Variants in FRMPD3 observed in about 807,000 individuals in gnomAD.
The protein encoded by FRMPD3 is FERM and PDZ domain-containing protein 3.
FRMPD3 carries 42 observed loss-of-function variants against 97.9 expected under a neutral mutation model. The observed-to-expected ratio is 0.43, with a 90% CI of 0.34 to 0.55. The LOEUF (loss-of-function observed/expected upper bound fraction) is 0.55, where lower values mean the gene tolerates loss of function less well. FRMPD3 is among the 20% of genes least tolerant of loss of function. The pLI is 0.03. For missense variants in FRMPD3, 1,303 were observed against 1,457.7 expected (o/e 0.89, Z 1.73); for synonymous variants, 577 against 581.1 (o/e 0.99, Z 0.10).
At position 107,601,777 on chromosome X, in the gene FRMPD3, A is replaced by G. The variant is rs770548012; in HGVS notation, c.3738A>G (p.Glu1246=). ...AACTGCAGAAGGTAAAGCAGTATGA[A>G]CTGGAGTTCCTTGAGGAACTTCTAA... is the stretch of plus-strand genomic sequence containing the variant. The part of the protein sequence containing the change: ...QAQLQKVKQY[E]LEFLEELLKP... The change falls in exon 15 of 15, where the codon GAA becomes GAG. Residue 1246 remains glutamate, a synonymous_variant. Transcript: ENST00000683843. 1 of 1,210,777 alleles carries G rather than the reference A, an allele frequency of 8.3e-7. No individual in the cohort carries two copies. Among genetic ancestry groups the G allele is most frequent in the Admixed American group, 2.2e-5 (1 of 46,058 alleles).
At chrX:107,570,887 C>G (rs1237409941) in intron 12 of FRMPD3, among the ~76,000 whole-genome samples, 4 of 111,916 alleles carry the variant, frequency 3.6e-5, no homozygotes, top group Admixed American at 1.9e-4. Flanking sequence ...TGAAGCATGT[C>G]AAATTAATCC....
chrX:107,563,453 G>A (rs911038572), intron 11 of FRMPD3, among the ~76,000 whole-genome samples: 37 of 112,343 alleles, frequency 3.3e-4, no homozygotes, highest in Non-Finnish European at 6.0e-4. Flanking sequence ...TTTCCATAAA[G>A]GGCCAGATAG....
intron 8 of FRMPD3, chrX:107,554,764 T>G (rs185470729): frequency 3.1e-6 from 1 of 323,395 alleles, no homozygotes; most frequent in African/African-American, 2.6e-5. Context: ...TCCCAGTAAC[T>G]CTGGCATCCT....
At chrX:107,531,609 C>T (rs781027897) in intron 3 of FRMPD3, among the ~76,000 whole-genome samples, 2 of 111,586 alleles carry the variant, frequency 1.8e-5, no homozygotes, top group African/African-American at 6.5e-5. Flanking sequence ...AGCATGTCTT[C>T]CTTGGCATGC....
At chrX:107,558,900 G>C (rs1241672123) in intron 8 of FRMPD3, among the ~76,000 whole-genome samples, 2 of 110,561 alleles carry the variant, frequency 1.8e-5, no homozygotes, top group African/African-American at 6.6e-5. Flanking sequence ...GGCCAGGCTG[G>C]TCTCAAACTC....
intron 3 of FRMPD3, 100 bp from the exon 4 acceptor site, chrX:107,533,405 A>G: frequency 1.4e-6 from 1 of 722,698 alleles, no homozygotes; most frequent in East Asian, 3.2e-5. Context: ...TAATCCATAT[A>G]CCTGAATAAA....
At chrX:107,595,638 T>C (rs1430277817) in intron 13 of FRMPD3, among the ~76,000 whole-genome samples, 3 of 111,178 alleles carry the variant, frequency 2.7e-5, no homozygotes, top group Non-Finnish European at 5.7e-5. Flanking sequence ...TTTTATCCAT[T>C]ATTGAAAGTG....
rs41305439 is a variant in FRMPD3, at chrX:107,602,590, C to T, written c.4551C>T (p.Ser1517=). The T allele has an allele frequency of 3.2e-3, 3,831 of 1,210,633 alleles. 6 individuals carry two copies. Among genetic ancestry groups the T allele is most frequent in the South Asian group, 5.1e-3 (292 of 56,954 alleles). ...CCAGTGATGGCAAGGATGAGCTCTCCTACTCTATCCCCATGAAGATCCTGC... is the reference window on the plus strand; with the variant it reads ...CCAGTGATGGCAAGGATGAGCTCTCTTACTCTATCCCCATGAAGATCCTGC... ...DDASDGKDEL[S]YSIPMKILPG... The change falls in exon 15 of 15, where the codon TCC becomes TCT. Residue 1517 remains serine (S), a synonymous_variant. Coordinates refer to ENST00000683843, the MANE Select transcript of FRMPD3 (RefSeq NM_001388459.1).
At chrX:107,501,392 C>T (rs1199726152) in intron 1 of FRMPD3, among the ~76,000 whole-genome samples, 5 of 74,090 alleles carry the variant, frequency 6.7e-5, no homozygotes, top group Admixed American at 6.3e-4. Context: ...GACGGAGTCT[C>T]GCTCTGTCGC....
chrX:107,511,892 T>C (rs1922175466), intron 1 of FRMPD3, among the ~76,000 whole-genome samples: 1 of 112,113 alleles, frequency 8.9e-6, no homozygotes, highest in South Asian at 3.7e-4. Flanking sequence ...GCAGCCCAGC[T>C]TGGCCTCGGA....
At chrX:107,453,243 C>A (rs1370710174) in intron 1 of FRMPD3, among the ~76,000 whole-genome samples, 1 of 111,015 alleles carries the variant, frequency 9.0e-6, no homozygotes, top group Non-Finnish European at 1.9e-5. Flanking sequence ...AGACACACAC[C>A]CCTCAGACAC....
intron 8 of FRMPD3, among the ~76,000 whole-genome samples, chrX:107,556,552 A>G (rs1010939422): frequency 9.0e-6 from 1 of 111,685 alleles, no homozygotes; most frequent in Non-Finnish European, 1.9e-5. Context: ...TGCCCATGAA[A>G]CCATCACCAC....
intron 1 of FRMPD3, among the ~76,000 whole-genome samples, chrX:107,503,951 A>AC (rs1921972588): frequency 8.9e-6 from 1 of 112,478 alleles, no homozygotes; most frequent in East Asian, 2.8e-4. Flanking sequence ...TCCCCAGGAG[A>AC]CCGCACAGTG....
rs1922990884 is a variant in FRMPD3 at position 107,531,994 on chromosome X, G to T, written c.251+1483G>T. Among the ~76,000 whole-genome samples, 3 of 111,949 alleles carry T rather than the reference G, an allele frequency of 2.7e-5. No individual in the cohort carries two copies. The South Asian group carries it at 1.1e-3, about 42-fold the overall frequency. On this transcript the variant is annotated intron_variant, in intron 3 of 14. Coordinates refer to ENST00000683843, the MANE Select transcript of FRMPD3 (RefSeq NM_001388459.1). ...TCAACCAGTATTTATTGTTGTCCTCGATGCACCAGGCACTGTTCCACACAC... is the reference window on the plus strand; with the variant it reads ...TCAACCAGTATTTATTGTTGTCCTCTATGCACCAGGCACTGTTCCACACAC...
intron 5 of FRMPD3, among the ~76,000 whole-genome samples, chrX:107,548,893 G>A (rs1243314506): frequency 8.1e-5 from 9 of 111,668 alleles, no homozygotes; most frequent in East Asian, 5.6e-4. Flanking sequence ...TGTGAGAAGC[G>A]TGCATAAATT....
chrX:107,597,825 G>A lies in FRMPD3; in HGVS notation c.1946G>A (p.Ser649Asn). The change falls in exon 14 of 15, where the codon AGT (serine) becomes AAT (asparagine). Residue 649 changes from serine to asparagine, a missense_variant. Physicochemically the swap from Ser to Asn is conservative, Grantham distance 46 (BLOSUM62 1). This residue lies in a region of FRMPD3 where 535 missense variants were observed against 618.6 expected (regional missense o/e 0.86). Coordinates refer to ENST00000683843, the MANE Select transcript of FRMPD3 (RefSeq NM_001388459.1). ...VDLMSLPPPG[S>N]EEEEEEEDET... Reference sequence around the variant, plus strand: ...TTGATGTCCCTCCCACCACCTGGGAGTGAGGAGGAGGAGGAGGAGGAAGAT... The same window carrying A: ...TTGATGTCCCTCCCACCACCTGGGAATGAGGAGGAGGAGGAGGAGGAAGAT... The A allele has an allele frequency of 8.4e-7, 1 of 1,186,567 alleles. No individual in the cohort carries two copies. The highest frequency in any genetic ancestry group is 1.1e-6 in the Non-Finnish European group (1 of 883,624).
chrX:107,487,697 A>T (rs946848237), intron 1 of FRMPD3, among the ~76,000 whole-genome samples: 1 of 111,756 alleles, frequency 8.9e-6, no homozygotes, highest in East Asian at 2.8e-4. Flanking sequence ...CAGTTACACC[A>T]GAATCTCTGT....
chrX:107,510,956 T>C (rs1032869036), intron 1 of FRMPD3, among the ~76,000 whole-genome samples: 1 of 112,335 alleles, frequency 8.9e-6, no homozygotes, highest in Admixed American at 9.4e-5. Context: ...TGGGCGTAAG[T>C]CCTTGGCTTC....
intron 1 of FRMPD3, among the ~76,000 whole-genome samples, chrX:107,520,742 A>G (rs1922481973): frequency 8.9e-6 from 1 of 112,307 alleles, no homozygotes. Flanking sequence ...GGAGTTAGGC[A>G]GACCTGGGTT....
Sources: allele counts gnomAD v4.1 joint callset (sites outside exome capture counted in the v4.1 genomes callset), GRCh38; gene constraint gnomAD v4.1.1; regional missense constraint gnomAD v4.1.1; transcripts MANE v1.5; gene names NCBI Gene and HGNC (gene_info 2026-07-23, HGNC 2026-07-21).